KIAA1217: variants seen among roughly 807,000 people sequenced by gnomAD.
KIAA1217 encodes the protein sickle tail protein homolog.
Under a neutral mutation model 163.9 loss-of-function variants are expected in KIAA1217, and 88 were observed. The ratio of observed to expected loss-of-function variants is 0.54; its 90% CI spans 0.45 to 0.64. The LOEUF (loss-of-function observed/expected upper bound fraction) is 0.64. KIAA1217 is among the 30% of genes least tolerant of loss of function. The pLI is 0.00. For synonymous variants in KIAA1217, 903 were observed against 923.1 expected, an observed-to-expected ratio of 0.98 and a Z score of 0.39; for missense variants, 2,372 against 2,475.0, an observed-to-expected ratio of 0.96 and a Z score of 0.88.
chr10:23,754,101 G>A (rs1391631048), intron 1 of KIAA1217, among the ~76,000 whole-genome samples: 2 of 152,128 alleles, frequency 1.3e-5, no homozygotes, highest in Non-Finnish European at 2.9e-5. Context: ...GCTGAGCTGT[G>A]AGCACCTGGG....
At chr10:23,800,593 A>C (rs1230496288) in intron 1 of KIAA1217, among the ~76,000 whole-genome samples, 1 of 152,198 alleles carries the variant, frequency 6.6e-6, no homozygotes, top group Non-Finnish European at 1.5e-5. Context: ...GATTATGGGC[A>C]GAGTCTTCAG....
intron 1 of KIAA1217, among the ~76,000 whole-genome samples, chr10:23,859,897 T>G (rs901787571): frequency 4.6e-5 from 7 of 151,636 alleles, no homozygotes; most frequent in African/African-American, 1.5e-4. Flanking sequence ...TTACTCAGAG[T>G]CACAGACCTG....
At chr10:24,369,417 C>T (rs1002130833) in intron 2 of KIAA1217, among the ~76,000 whole-genome samples, 4 of 152,166 alleles carry the variant, frequency 2.6e-5, no homozygotes, top group Admixed American at 2.0e-4. Context: ...CTGTGGCCTT[C>T]TCCACTGTGG....
intron 1 of KIAA1217, among the ~76,000 whole-genome samples, chr10:23,845,137 T>C (rs1018381661): frequency 1.3e-5 from 2 of 152,244 alleles, no homozygotes; most frequent in Admixed American, 6.5e-5. Flanking sequence ...CAGTCTATCA[T>C]TGATGGACAT....
intron 1 of KIAA1217, among the ~76,000 whole-genome samples, chr10:23,808,540 G>A (rs1168124624): frequency 6.6e-6 from 1 of 151,988 alleles, no homozygotes; most frequent in Non-Finnish European, 1.5e-5. Flanking sequence ...TAGAACTGCA[G>A]TCATTTAAAG....
At chr10:24,323,306 A>T (rs1354575893) in intron 2 of KIAA1217, among the ~76,000 whole-genome samples, 2 of 152,062 alleles carry the variant, frequency 1.3e-5, no homozygotes, top group East Asian at 3.9e-4. Flanking sequence ...TATGTTGTTA[A>T]ACACTGGATT....
chr10:24,271,870 T>TA (rs2131979243), intron 2 of KIAA1217, among the ~76,000 whole-genome samples: 1 of 152,172 alleles, frequency 6.6e-6, no homozygotes, highest in East Asian at 1.9e-4. Context: ...CCTCTTCAAA[T>TA]AAAAATTGTT....
intron 3 of KIAA1217, among the ~76,000 whole-genome samples, chr10:24,396,699 A>T (rs767981120): frequency 2.6e-5 from 4 of 152,218 alleles, no homozygotes; most frequent in Non-Finnish European, 5.9e-5. Context: ...AAAGCCCGAG[A>T]AAGAGCATGC....
At chr10:23,706,146 A>G (rs1836870419) in intron 1 of KIAA1217, among the ~76,000 whole-genome samples, 1 of 152,068 alleles carries the variant, frequency 6.6e-6, no homozygotes, top group Non-Finnish European at 1.5e-5. Context: ...TTGTTTTAAT[A>G]GCTTTTTGGT....
chr10:24,363,980 CTTT>C (rs11413263), intron 2 of KIAA1217, among the ~76,000 whole-genome samples: 1 of 144,650 alleles, frequency 6.9e-6, no homozygotes. Flanking sequence ...GTCTCATCCA[CTTT>C]TTTTTTTTTT....
chr10:24,432,416 C>A (rs145993837), intron 3 of KIAA1217, among the ~76,000 whole-genome samples: 1 of 152,146 alleles, frequency 6.6e-6, no homozygotes, highest in Non-Finnish European at 1.5e-5. Flanking sequence ...CCGAGCCTGG[C>A]CAAGTATTGT....
At chr10:23,816,632 T>A (rs1024819008) in intron 1 of KIAA1217, among the ~76,000 whole-genome samples, 1 of 152,126 alleles carries the variant, frequency 6.6e-6, no homozygotes, top group African/African-American at 2.4e-5. Flanking sequence ...AAAACACAAT[T>A]CTCCTTTGTT....
intron 3 of KIAA1217, among the ~76,000 whole-genome samples, chr10:24,396,439 G>A (rs1182800603): frequency 1.3e-5 from 2 of 152,180 alleles, no homozygotes; most frequent in Non-Finnish European, 2.9e-5. Context: ...TGTTCTGTTG[G>A]AGGAGGCAGC....
chr10:24,205,302 CAAAAAAAAAAAA>C (rs61292023), upstream of KIAA1217, among the ~76,000 whole-genome samples: 86 of 36,610 alleles, frequency 2.3e-3, no homozygotes, highest in Middle Eastern at 0.033. Context: ...ACTAAAAATA[CAAAAAAAAAAAA>C]AAAAAAAAAA....
chr10:24,375,695 G>A (rs150830218), intron 2 of KIAA1217, among the ~76,000 whole-genome samples: 16 of 152,314 alleles, frequency 1.1e-4, no homozygotes, highest in African/African-American at 3.6e-4. Flanking sequence ...ACATTTGCAT[G>A]TGGAAAACTT....
At chr10:24,146,965 G>A (rs1392171205) in intron 2 of KIAA1217, among the ~76,000 whole-genome samples, 2 of 143,256 alleles carry the variant, frequency 1.4e-5, no homozygotes, top group Non-Finnish European at 3.0e-5. Context: ...GCACATTTCC[G>A]TGTTCCTAAG....
chr10:24,336,791 C>G (rs929120435), intron 2 of KIAA1217, among the ~76,000 whole-genome samples: 4 of 152,180 alleles, frequency 2.6e-5, no homozygotes, highest in Non-Finnish European at 5.9e-5. Context: ...AACAACAGTG[C>G]CAAGATCATT....
At chr10:23,947,070 T>A (rs1400343387) in intron 1 of KIAA1217, among the ~76,000 whole-genome samples, 2 of 152,188 alleles carry the variant, frequency 1.3e-5, no homozygotes, top group Non-Finnish European at 2.9e-5. Flanking sequence ...AAAAAGGATG[T>A]GTTTGCTTCC....
At position 24,425,099 on chromosome 10, in the gene KIAA1217, C is replaced by G. The variant is rs575523430; in HGVS notation, c.554-7896C>G. On this transcript the variant is annotated intron_variant, in intron 3 of 20. Coordinates refer to ENST00000376454, the MANE Select transcript of KIAA1217 (RefSeq NM_019590.5). ...TTATTTCCTCTGGCTTCAAAAATTACCCAGTTAACTGAGTAGGATTCCTAA... is the reference window on the plus strand; with the variant it reads ...TTATTTCCTCTGGCTTCAAAAATTAGCCAGTTAACTGAGTAGGATTCCTAA... 5.9e-5 allele frequency among the ~76,000 whole-genome samples: 9 copies of G among 152,268 alleles called. 1 individual carries two copies. Among genetic ancestry groups the G allele is most frequent in the Admixed American group, 2.0e-4 (3 of 15,282 alleles).
Sources: allele counts gnomAD v4.1 joint callset (sites outside exome capture counted in the v4.1 genomes callset), GRCh38; gene constraint gnomAD v4.1.1; transcripts MANE v1.5; gene names NCBI Gene and HGNC (gene_info 2026-07-23, HGNC 2026-07-21).